The following CPA3 variants were observed in gnomAD, a reference collection of about 807,000 sequenced individuals.
The protein encoded by CPA3 is carboxypeptidase A3, also known as mast cell carboxypeptidase A.
Under a neutral mutation model 55.8 loss-of-function variants are expected in CPA3, and 52 were observed. The observed-to-expected ratio is 0.93, with a 90% CI of 0.75 to 1.17. The LOEUF (loss-of-function observed/expected upper bound fraction) is 1.17. CPA3 is among the 50% of genes most tolerant of loss of function. CPA3 has a pLI of 0.00. For missense variants in CPA3, 547 were observed against 509.1 expected (o/e 1.07, Z -0.72); for synonymous variants, 179 against 171.2 (o/e 1.05, Z -0.36).
In CPA3 at chr3:148,867,591, A is replaced by T. The variant is rs76540562; in HGVS notation, c.145-1324A>T. Among the ~76,000 whole-genome samples, 467 of 152,346 alleles carry T rather than the reference A, an allele frequency of 3.1e-3. 1 individual carries two copies. The highest frequency in any genetic ancestry group is 0.011 in the African/African-American group (444 of 41,578). The stretch of plus-strand genomic sequence containing the variant: ...CTATTGTGATAAGATGGCTCTGCCT[A>T]ACTTGCCTTTGCATCACACTACATC... On this transcript the variant is annotated intron_variant, in intron 2 of 10. Coordinates refer to ENST00000296046, the MANE Select transcript of CPA3 (RefSeq NM_001870.4).
rs1193005831 is a variant in CPA3, at chr3:148,896,678, G to T, written c.1225G>T (p.Ala409Ser). The stretch of plus-strand genomic sequence containing the variant: ...GACCATGCTAGCTGTCAAATTTATT[G>T]CCAAGTATATCCTCAAGCATACTTC... ...RETMLAVKFI[A>S]KYILKHTS Residue 409 changes from alanine (A) to serine (S), a missense_variant, in exon 11 of 11, where the codon GCC becomes TCC. Transcript: ENST00000296046. The T allele has an allele frequency of 1.3e-6, 2 of 1,551,094 alleles. No individual in the cohort carries two copies. Among genetic ancestry groups the T allele is most frequent in the East Asian group, 4.6e-5 (2 of 43,888 alleles).
chr3:148,866,013 T>C (rs900171813), intron 2 of CPA3, among the ~76,000 whole-genome samples: 2 of 152,226 alleles, frequency 1.3e-5, no homozygotes, highest in Admixed American at 1.3e-4. Context: ...TAAAGTTAGA[T>C]CAATCCTTTA....
chr3:148,885,042 C>T (rs1302104535), intron 9 of CPA3, among the ~76,000 whole-genome samples: 2 of 152,128 alleles, frequency 1.3e-5, no homozygotes, highest in African/African-American at 2.4e-5. Flanking sequence ...CAATCACTCT[C>T]ATAGCACAAA....
chr3:148,880,583 C>T (rs1421994494), intron 6 of CPA3, among the ~76,000 whole-genome samples: 6 of 152,148 alleles, frequency 3.9e-5, no homozygotes, highest in African/African-American at 1.4e-4. Context: ...CTGTCCCCCT[C>T]GGCCTCCCAA....
intron 2 of CPA3, among the ~76,000 whole-genome samples, chr3:148,867,490 C>T (rs889117495): frequency 1.3e-5 from 2 of 152,328 alleles, no homozygotes; most frequent in Middle Eastern, 3.4e-3. Flanking sequence ...CAGCTCTTTG[C>T]CTCCTGCTTA....
chr3:148,873,002 G>A (rs73016124), intron 3 of CPA3, among the ~76,000 whole-genome samples: 9,084 of 150,904 alleles, frequency 0.06, 948 homozygotes, highest in African/African-American at 0.21. Context: ...GTTGCTGTCT[G>A]CCTGGTCCTT....
At chr3:148,894,028 C>T (rs1472911414) in intron 10 of CPA3, among the ~76,000 whole-genome samples, 1 of 152,162 alleles carries the variant, frequency 6.6e-6, no homozygotes, top group African/African-American at 2.4e-5. Flanking sequence ...AAAGAACCCT[C>T]TGAACAAGAA....
Position 148,881,619 on chromosome 3 carries a change from G to A in CPA3, c.674G>A (p.Trp225Ter), listed in dbSNP as rs1714370322. The change falls in exon 7 of 11, where the codon TGG (tryptophan) becomes TAG (stop). Residue 225 changes from tryptophan (W) to a stop codon, truncating the protein, a stop_gained. Transcript: ENST00000296046. LOFTEE classifies it high-confidence loss of function. ...LPVFNVDGYIWSWTKNRMWRK... is the reference protein window; with the variant it reads ...LPVFNVDGYI ...GTGTTCAATGTTGATGGATATATTT[G>A]GTCATGGACAAAGGTACTGCTCTCT... The A allele has an allele frequency of 1.9e-6, 3 of 1,607,020 alleles. No individual in the cohort carries two copies. The African/African-American group carries it at 4.0e-5, about 22-fold the overall frequency.
chr3:148,881,710 G>C (rs1335077935), intron 7 of CPA3, 78 bp downstream of exon 7: 8 of 726,816 alleles, frequency 1.1e-5, no homozygotes, highest in Non-Finnish European at 2.1e-6. Flanking sequence ...ATTCAGCTTA[G>C]GGTTTAGGTA....
chr3:148,873,477 TG>T (rs756703818), intron 3 of CPA3, among the ~76,000 whole-genome samples: 55 of 152,178 alleles, frequency 3.6e-4, no homozygotes, highest in Non-Finnish European at 6.2e-4. Flanking sequence ...CAGCAAAGGA[TG>T]GGAGCCTTGA....
rs111881854 is a variant in CPA3 at position 148,878,719 on chromosome 3, G to C, written c.445G>C (p.Val149Leu). The C allele has an allele frequency of 7.5e-4, 1,203 of 1,605,076 alleles. 12 individuals are homozygous for C. In the African/African-American group the frequency reaches 0.014, roughly 19 times the overall value. Residue 149 changes from valine to leucine, a missense_variant, in exon 5 of 11, where the codon GTT becomes CTT. Physicochemically the swap from Val to Leu is conservative, Grantham distance 32. Transcript: ENST00000296046. ...MVSRIKIGST[V>L]EDNPLYVLKI... ...CTCTCGTATTAAAATTGGATCTACT[G>C]TTGAAGATAATCCACTATATGTTCT... is the stretch of plus-strand genomic sequence containing the variant.
Position 148,881,628 on chromosome 3 carries a change from C to A in CPA3, c.683C>A (p.Thr228Lys). The stretch of plus-strand genomic sequence containing the variant: ...GTTGATGGATATATTTGGTCATGGA[C>A]AAAGGTACTGCTCTCTACTCTCTTG... The part of the protein sequence containing the change: ...FNVDGYIWSW[T>K]KNRMWRKNRS... Residue 228 changes from threonine (T) to lysine (K), a missense_variant, in exon 7 of 11, where the codon ACA becomes AAA. Transcript: ENST00000296046. 1 of 1,589,646 alleles carries A rather than the reference C, an allele frequency of 6.3e-7. No homozygotes were observed. The highest frequency in any genetic ancestry group is 8.6e-7 in the Non-Finnish European group (1 of 1,159,042).
At position 148,881,622 on chromosome 3, in the gene CPA3, C is replaced by A; in HGVS notation, c.677C>A (p.Ser226Ter). The A allele has an allele frequency of 6.2e-7, 1 of 1,605,294 alleles. No individual in the cohort carries two copies. Among genetic ancestry groups the A allele is most frequent in the South Asian group, 1.1e-5 (1 of 90,556 alleles). ...TTCAATGTTGATGGATATATTTGGTCATGGACAAAGGTACTGCTCTCTACT... is the reference window on the plus strand; with the variant it reads ...TTCAATGTTGATGGATATATTTGGTAATGGACAAAGGTACTGCTCTCTACT... ...PVFNVDGYIW[S>*]WTKNRMWRKN... is the part of the protein sequence containing the mutation. Residue 226 changes from serine to a stop codon, truncating the protein, a stop_gained, in exon 7 of 11, where the codon TCA (serine) becomes TAA (stop). Transcript: ENST00000296046. LOFTEE classifies it high-confidence loss of function.
chr3:148,876,011 A>C lies in CPA3; in HGVS notation c.270-2430A>C, dbSNP rs148800288. ...AAAAGAAATAGTTATTAAGAAAATT[A>C]GAAAGTATAGATATTGGCAGAAGAA... On this transcript the variant is annotated intron_variant, in intron 3 of 10. Coordinates refer to ENST00000296046, the MANE Select transcript of CPA3 (RefSeq NM_001870.4). Among the ~76,000 whole-genome samples, 22 of 152,258 alleles carry C rather than the reference A, an allele frequency of 1.4e-4. No homozygotes were observed. In the East Asian group the frequency reaches 4.0e-3, roughly 28 times the overall value.
In CPA3 at chr3:148,883,900, G is replaced by T; in HGVS notation, c.981+85G>T. ...CTTCATTAACTTGGGTATGTTGAAA[G>T]AATTTCACATTTTAATGTCAAAGAA... is the stretch of plus-strand genomic sequence containing the variant. On this transcript the variant is annotated intron_variant, in intron 9 of 10. Transcript: ENST00000296046. 17 of 985,758 alleles carry T rather than the reference G, an allele frequency of 1.7e-5. No homozygotes were observed. In the South Asian group the frequency reaches 2.5e-4, roughly 14 times the overall value. 61.1% of individuals were successfully genotyped at this position (985,758 alleles called of 1,614,324 possible). A position where few individuals can be genotyped will look rare whatever the true frequency, so the allele number is the denominator to read the frequency against.
At chr3:148,877,650 G>A (rs945481104) in intron 3 of CPA3, among the ~76,000 whole-genome samples, 1 of 152,066 alleles carries the variant, frequency 6.6e-6, no homozygotes, top group Non-Finnish European at 1.5e-5. Context: ...CATCACTATA[G>A]GCACGTTGTT....
Position 148,865,325 on chromosome 3 carries a change from TG to T in CPA3, c.19del (p.Val7TrpfsTer3). 3.1e-6 allele frequency: 5 copies of T among 1,614,176 alleles called. No homozygotes were observed. Among genetic ancestry groups the T allele is most frequent in the Non-Finnish European group, 3.4e-6 (4 of 1,180,008 alleles). On this transcript the variant is annotated frameshift_variant, in exon 1 of 11. Coordinates refer to ENST00000296046, the MANE Select transcript of CPA3 (RefSeq NM_001870.4). LOFTEE classifies it high-confidence loss of function. ...GAAGAACCATGAGGCTCATCCTGCC[TG>T]TGGGTTTGATTGCTACCACTCTTGC... MRLILP[V>X]GLIATTLAIA... is the part of the protein sequence containing the mutation.
chr3:148,883,591 C>T, intron 8 of CPA3, 22 bp from the exon 9 acceptor site: 2 of 1,598,092 alleles, frequency 1.3e-6, no homozygotes, highest in East Asian at 2.2e-5. Context: ...ACTGTGGTCT[C>T]ATCCACCTAT....
At chr3:148,876,734 A>G (rs563353136) in intron 3 of CPA3, among the ~76,000 whole-genome samples, 1 of 152,214 alleles carries the variant, frequency 6.6e-6, no homozygotes, top group Non-Finnish European at 1.5e-5. Context: ...AAAGAATAAG[A>G]TACATTATCC....
Sources: gnomAD v4.1 joint callset for allele counts (sites outside exome capture counted in the v4.1 genomes callset) on GRCh38, gnomAD v4.1.1 for gene constraint, MANE v1.5 for transcripts, NCBI Gene and HGNC (gene_info 2026-07-23, HGNC 2026-07-21) for gene names.